Variants in ZNF880 observed in about 807,000 individuals in gnomAD.
ZNF880 encodes the protein zinc finger protein LOC400713.
ZNF880 carries 12 observed loss-of-function variants against 11.8 expected under a neutral mutation model. That is an observed-to-expected ratio of 1.02 (90% CI 0.65 to 1.65). The LOEUF (loss-of-function observed/expected upper bound fraction) is 1.65, where lower values mean the gene tolerates loss of function less well. Ranked by LOEUF, ZNF880 falls within the 40% of genes most tolerant of loss-of-function variation. ZNF880 has a pLI of 0.00. For missense variants in ZNF880, 601 were observed against 673.9 expected, an observed-to-expected ratio of 0.89 and a Z score of 1.20; for synonymous variants, 210 against 232.4, an observed-to-expected ratio of 0.90 and a Z score of 0.88.
chr19:52,377,316 G>C (rs1176100298), intron 3 of ZNF880, among the ~76,000 whole-genome samples: 1 of 151,894 alleles, frequency 6.6e-6, no homozygotes, highest in African/African-American at 2.4e-5. Flanking sequence ...TTGAGGTCTT[G>C]TGGAGATAGG....
At chr19:52,388,533 C>T (rs1160897651), downstream of ZNF880, among the ~76,000 whole-genome samples, 15 of 152,026 alleles carry the variant, frequency 9.9e-5, no homozygotes, top group East Asian at 2.7e-3. Flanking sequence ...GCCTCAGCCT[C>T]CCAAAGTACT....
chr19:52,386,444 T>C (rs532007426), downstream of ZNF880, among the ~76,000 whole-genome samples: 8 of 143,218 alleles, frequency 5.6e-5, 1 homozygote, highest in East Asian at 1.6e-3. Flanking sequence ...GTAGAAATCA[T>C]GCAAGGGAGA....
At chr19:52,393,866 TTG>T in the ZNF880 span, among the ~76,000 whole-genome samples, 7 of 131,186 alleles carry the variant, frequency 5.3e-5, no homozygotes, top group Non-Finnish European at 1.1e-4. Context: ...AGACGGAGTC[TTG>T]CTCTGTCGCC....
At chr19:52,379,458 C>G (rs1038122071) in intron 3 of ZNF880, 1 of 443,916 alleles carries the variant, frequency 2.3e-6, no homozygotes, top group African/African-American at 2.0e-5. Context: ...TGCAATGCCG[C>G]GATCTCGGCT....
chr19:52,383,000 T>A (rs1986747762), intron 3 of ZNF880, among the ~76,000 whole-genome samples: 1 of 152,210 alleles, frequency 6.6e-6, no homozygotes, highest in Non-Finnish European at 1.5e-5. Context: ...TGGAGCTGAT[T>A]CTTTTGAATA....
chr19:52,384,508 C>T lies in ZNF880; in HGVS notation c.928C>T (p.His310Tyr). Reference sequence around the variant, plus strand: ...TGGCAAGGTCTTCAACAGAAATGCACACCTTGCACGACATCAGAAAATTCA... The same window carrying T: ...TGGCAAGGTCTTCAACAGAAATGCATACCTTGCACGACATCAGAAAATTCA... ...ECGKVFNRNA[H>Y]LARHQKIHSG... The change falls in exon 4 of 4, where the codon CAC becomes TAC. Residue 310 changes from histidine (H) to tyrosine (Y), a missense_variant. Around this residue, in one of 3 missense-constraint regions of ZNF880, gnomAD observed 420 missense variants for 442.6 expected, o/e 0.95. Coordinates refer to ENST00000422689, the MANE Select transcript of ZNF880 (RefSeq NM_001145434.2). 1.9e-6 allele frequency: 3 copies of T among 1,613,790 alleles called. No homozygotes were observed. Among genetic ancestry groups the T allele is most frequent in the Non-Finnish European group, 1.7e-6 (2 of 1,179,916 alleles).
downstream of ZNF880, among the ~76,000 whole-genome samples, chr19:52,387,598 G>A (rs905489941): frequency 2.1e-5 from 3 of 140,688 alleles, no homozygotes; most frequent in South Asian, 6.7e-4. Flanking sequence ...ACAGGCGCAC[G>A]CTGCCACGCC....
the ZNF880 span, among the ~76,000 whole-genome samples, chr19:52,392,325 G>A: frequency 6.6e-6 from 1 of 151,610 alleles, no homozygotes; most frequent in African/African-American, 2.4e-5. Context: ...CACTTTGACG[G>A]AGCCTCGCTC....
chr19:52,367,260 A>T (rs2122323720), upstream of ZNF880: 1 of 153,182 alleles, frequency 6.5e-6, no homozygotes, highest in East Asian at 1.9e-4. Flanking sequence ...AGTAGCTGGG[A>T]TTACAGGCAT....
chr19:52,374,544 A>G, intron 3 of ZNF880, 117 bp downstream of exon 3: 1 of 1,254,098 alleles, frequency 8.0e-7, no homozygotes, highest in East Asian at 2.5e-5. Flanking sequence ...ATCGTGGCTT[A>G]ACTCATAGCC....
chr19:52,388,026 C>T (rs1463361703), downstream of ZNF880, among the ~76,000 whole-genome samples: 15 of 138,362 alleles, frequency 1.1e-4, 4 homozygotes, highest in Middle Eastern at 3.6e-3. Flanking sequence ...ACTACAGGCG[C>T]GCACCACCAC....
chr19:52,378,433 A>AGGG (rs1348250489), intron 3 of ZNF880, among the ~76,000 whole-genome samples: 1 of 151,810 alleles, frequency 6.6e-6, no homozygotes, highest in Non-Finnish European at 1.5e-5. Context: ...TCAGAAAGTC[A>AGGG]GGGGATCGAA....
the ZNF880 span, among the ~76,000 whole-genome samples, chr19:52,395,373 A>G: frequency 6.6e-6 from 1 of 152,190 alleles, no homozygotes; most frequent in Non-Finnish European, 1.5e-5. Flanking sequence ...AAGGATTGGT[A>G]GGTGATCTTG....
chr19:52,395,291 C>A, the ZNF880 span, among the ~76,000 whole-genome samples: 1 of 152,142 alleles, frequency 6.6e-6, no homozygotes, highest in Admixed American at 6.5e-5. Flanking sequence ...TAAGAGGGGA[C>A]ATTCTTGCCC....
At chr19:52,395,562 A>T in the ZNF880 span, 1 of 152,242 alleles carries the variant, frequency 6.6e-6, no homozygotes, top group Non-Finnish European at 1.5e-5. Context: ...AGTAAGTTAC[A>T]TGAAGTGAAT....
At chr19:52,387,128 T>C (rs1442329148), downstream of ZNF880, among the ~76,000 whole-genome samples, 1 of 144,940 alleles carries the variant, frequency 6.9e-6, no homozygotes, top group African/African-American at 2.7e-5. Context: ...AGCAGTGATA[T>C]GTGTCTAATC....
chr19:52,371,340 T>C (rs544903261), intron 1 of ZNF880, among the ~76,000 whole-genome samples: 3 of 152,158 alleles, frequency 2.0e-5, no homozygotes, highest in South Asian at 2.1e-4. Flanking sequence ...TGATCTGTTA[T>C]TGTTTGATGT....
intron 1 of ZNF880, chr19:52,370,220 G>C: frequency 1.8e-6 from 1 of 564,942 alleles, no homozygotes. Context: ...CGCGGAGTTT[G>C]CCTGCTTCAA....
the ZNF880 span, chr19:52,392,695 G>T: frequency 8.8e-6 from 2 of 227,788 alleles, no homozygotes; most frequent in South Asian, 1.7e-4. Context: ...ATCTCTATGT[G>T]GGAGCAAAGG....
Sources: allele counts gnomAD v4.1 joint callset (sites outside exome capture counted in the v4.1 genomes callset), GRCh38; gene constraint gnomAD v4.1.1; regional missense constraint gnomAD v4.1.1; transcripts MANE v1.5; gene names NCBI Gene and HGNC (gene_info 2026-07-23, HGNC 2026-07-21).